PCDHGA4: variants seen among roughly 807,000 people sequenced by gnomAD.
PCDHGA4 encodes the protein protocadherin gamma subfamily A, 4.
In PCDHGA4, 38 loss-of-function variants were observed where a neutral mutation model predicts 54.6. That is an observed-to-expected ratio of 0.70 (90% confidence interval 0.54 to 0.91). The LOEUF is 0.91. Ranked by LOEUF, PCDHGA4 falls within the 40% of genes least tolerant of loss-of-function variation. The pLI is 0.00. For missense variants in PCDHGA4, 1,298 were observed against 1,220.9 expected, an observed-to-expected ratio of 1.06 and a Z score of -0.94; for synonymous variants, 511 against 512.9, an observed-to-expected ratio of 1.00 and a Z score of 0.05.
At chr5:141,376,267 G>A (rs1021502624) in intron 1 of PCDHGA4, 6 of 1,614,210 alleles carry the variant, frequency 3.7e-6, no homozygotes, top group Non-Finnish European at 5.1e-6. Context: ...TGCAGGCTTC[G>A]GGAGGTGGCT....
intron 1 of PCDHGA4, chr5:141,388,912 C>T: frequency 6.2e-7 from 1 of 1,613,946 alleles, no homozygotes; most frequent in Non-Finnish European, 8.5e-7. Flanking sequence ...GACAACGCCC[C>T]AGAAGTGATA....
At chr5:141,474,461 CTT>C (rs1264129273) in intron 1 of PCDHGA4, among the ~76,000 whole-genome samples, 1 of 152,214 alleles carries the variant, frequency 6.6e-6, no homozygotes, top group East Asian at 1.9e-4. Context: ...GGGCTATACT[CTT>C]TATTCTAAAT....
rs1000775080 is a variant in PCDHGA4 at position 141,487,567 on chromosome 5, G to C, written c.2515-7240G>C. 2 of 1,614,168 alleles carry C rather than the reference G, an allele frequency of 1.2e-6. No individual in the cohort carries two copies. The highest frequency in any genetic ancestry group is 1.7e-6 in the Non-Finnish European group (2 of 1,180,036). ...CACCCAGTGCACCTATGGCAGGGGA[G>C]CCTGTTCGCCCAAGCTGCCCACCCT... On this transcript the variant is annotated intron_variant, in intron 1 of 3. Coordinates refer to ENST00000571252, the MANE Select transcript of PCDHGA4 (RefSeq NM_018917.4). The surrounding 1 kb of genome is among the most constrained non-coding windows in gnomAD (Gnocchi z 5.0).
intron 1 of PCDHGA4, chr5:141,422,694 T>C: frequency 6.2e-7 from 1 of 1,603,912 alleles, no homozygotes; most frequent in Non-Finnish European, 8.5e-7. Context: ...CCCTGGTCAC[T>C]TACTCTCTGA....
chr5:141,498,565 G>C (rs2099784348), intron 2 of PCDHGA4, among the ~76,000 whole-genome samples: 1 of 152,044 alleles, frequency 6.6e-6, no homozygotes. Context: ...CTTCAAAGCA[G>C]GGCTAGTATT....
intron 1 of PCDHGA4, chr5:141,392,627 G>T: frequency 1.7e-6 from 1 of 584,572 alleles, no homozygotes; most frequent in Non-Finnish European, 2.9e-6. Flanking sequence ...AAAACACTCA[G>T]ATCTCACACC....
chr5:141,456,968 A>AAAACAAAC (rs202005606), intron 1 of PCDHGA4, among the ~76,000 whole-genome samples: 1 of 152,282 alleles, frequency 6.6e-6, no homozygotes, highest in Admixed American at 6.5e-5. Flanking sequence ...ATCTCAAAAC[A>AAAACAAAC]AAACAAACAA....
chr5:141,399,559 G>T (rs1589373313), intron 1 of PCDHGA4: 1 of 1,614,038 alleles, frequency 6.2e-7, no homozygotes, highest in African/African-American at 1.3e-5. Context: ...CCTGGACTTG[G>T]GGTTGAACGG....
intron 1 of PCDHGA4, among the ~76,000 whole-genome samples, chr5:141,406,468 T>C (rs2094813433): frequency 6.6e-6 from 1 of 152,230 alleles, no homozygotes; most frequent in Admixed American, 6.5e-5. Flanking sequence ...AACACCTCTT[T>C]GAGGTTATAT....
chr5:141,362,763 G>A, intron 1 of PCDHGA4: 2 of 636,758 alleles, frequency 3.1e-6, no homozygotes, highest in South Asian at 2.1e-5. Flanking sequence ...TTTATCACAT[G>A]AGATATTGCA....
chr5:141,408,329 A>G (rs2095085203), intron 1 of PCDHGA4: 1 of 1,613,698 alleles, frequency 6.2e-7, no homozygotes, highest in Admixed American at 1.7e-5. Context: ...GGAGCTGGCC[A>G]AGGGCTCGGT....
intron 1 of PCDHGA4, among the ~76,000 whole-genome samples, chr5:141,439,076 C>G (rs1358035789): frequency 6.6e-6 from 1 of 151,590 alleles, no homozygotes; most frequent in East Asian, 2.0e-4. Context: ...GCCTGTAATC[C>G]CAGCTACTCA....
At chr5:141,403,674 T>C in intron 1 of PCDHGA4, 2 of 1,613,812 alleles carry the variant, frequency 1.2e-6, no homozygotes, top group South Asian at 2.2e-5. Flanking sequence ...AATGCCCCGG[T>C]TTTTGCTCAA....
intron 1 of PCDHGA4, chr5:141,419,158 C>G (rs757849297): frequency 6.2e-7 from 1 of 1,613,950 alleles, no homozygotes; most frequent in South Asian, 1.1e-5. Context: ...CTCCGTTATC[C>G]TCCAGCAAAA....
rs573785314 is a variant in PCDHGA4 at position 141,435,382 on chromosome 5, C to T, written c.2515-59425C>T. 2.0e-5 allele frequency among the ~76,000 whole-genome samples: 3 copies of T among 152,034 alleles called. No homozygotes were observed. In the East Asian group the frequency reaches 5.8e-4, roughly 29 times the overall value. ...TTTATCACTTAAATATACAATATAC[C>T]GTATTGCCATGACGAAAAATGGTAA... On this transcript the variant is annotated intron_variant, in intron 1 of 3. Transcript: ENST00000571252.
chr5:141,509,900 C>T (rs2099878860), intron 3 of PCDHGA4, among the ~76,000 whole-genome samples: 1 of 152,186 alleles, frequency 6.6e-6, no homozygotes, highest in Admixed American at 6.5e-5. Context: ...CTGTCCCTTC[C>T]AGCATGCGCT....
intron 1 of PCDHGA4, chr5:141,364,759 T>C: frequency 1.2e-6 from 2 of 1,613,952 alleles, no homozygotes; most frequent in Non-Finnish European, 1.7e-6. Context: ...TAAAAGTTAA[T>C]GAAAATGCGG....
At chr5:141,420,006 G>C (rs2096458103) in intron 1 of PCDHGA4, 2 of 1,613,934 alleles carry the variant, frequency 1.2e-6, no homozygotes, top group Admixed American at 3.3e-5. Flanking sequence ...CTACGCCTGC[G>C]ACAGTCTTTC....
chr5:141,457,168 C>T (rs10072917), intron 1 of PCDHGA4, among the ~76,000 whole-genome samples: 42,426 of 152,004 alleles, frequency 0.28, 6,644 homozygotes, highest in African/African-American at 0.43. Context: ...ATGGATAACC[C>T]TATTGCAAAT....
Sources: gnomAD v4.1 joint callset for allele counts (sites outside exome capture counted in the v4.1 genomes callset) on GRCh38, gnomAD v4.1.1 for gene constraint, Gnocchi (gnomAD v3.1) non-coding constraint, MANE v1.5 for transcripts, NCBI Gene and HGNC (gene_info 2026-07-23, HGNC 2026-07-21) for gene names.